Variants in CACNB2 observed in about 807,000 individuals in gnomAD.
The protein encoded by CACNB2 is voltage-dependent L-type calcium channel subunit beta-2.
A neutral mutation model predicts 73.3 loss-of-function variants in CACNB2; 42 were observed. The observed-to-expected ratio is 0.57, with a 90% CI of 0.45 to 0.74. CACNB2 has a LOEUF of 0.74. Among genes scored for constraint, CACNB2 ranks in the 30% least tolerant of loss-of-function variants. CACNB2 has a pLI of 0.00. For missense variants in CACNB2, 940 were observed against 853.0 expected (o/e 1.10, Z -1.27); for synonymous variants, 348 against 310.3 (o/e 1.12, Z -1.28).
intron 3 of CACNB2, among the ~76,000 whole-genome samples, chr10:18,478,979 G>A (rs2048581418): frequency 1.3e-5 from 2 of 151,972 alleles, no homozygotes; most frequent in South Asian, 4.2e-4. Context: ...ATCGCTCTAA[G>A]CCCAGTAGTT....
chr10:18,372,068 A>C (rs1230871833), intron 2 of CACNB2, among the ~76,000 whole-genome samples: 5 of 151,842 alleles, frequency 3.3e-5, no homozygotes, highest in African/African-American at 1.2e-4. Flanking sequence ...TTTTCTTGTA[A>C]ATTTGTTTGA....
intron 2 of CACNB2, among the ~76,000 whole-genome samples, chr10:18,378,211 G>T (rs775450471): frequency 2.0e-5 from 3 of 152,210 alleles, no homozygotes; most frequent in Admixed American, 6.5e-5. Context: ...GAACCTGTCA[G>T]TTTTCACATT....
chr10:18,221,427 C>T (rs1242532195), intron 2 of CACNB2, among the ~76,000 whole-genome samples: 1 of 152,186 alleles, frequency 6.6e-6, no homozygotes, highest in Non-Finnish European at 1.5e-5. Flanking sequence ...GCTGGTCATG[C>T]CAGCACTTTG....
chr10:18,476,258 T>C (rs2048433478), intron 3 of CACNB2, among the ~76,000 whole-genome samples: 3 of 152,176 alleles, frequency 2.0e-5, no homozygotes, highest in Non-Finnish European at 2.9e-5. Flanking sequence ...GTAATTAGTG[T>C]ATTATTGTTA....
rs147767178 is a variant in CACNB2 at position 18,225,705 on chromosome 10, T to A, written c.213+74730T>A. On this transcript the variant is annotated intron_variant, in intron 2 of 13. Transcript: ENST00000324631. ...CCCAGGCTAGAGTGCAGTGGTGCCA[T>A]CATAGCTCACGGCAACCTCCACCTC... 6.7e-3 allele frequency among the ~76,000 whole-genome samples: 1,019 copies of A among 151,936 alleles called. 15 individuals are homozygous for A. Among genetic ancestry groups the A allele is most frequent in the African/African-American group, 0.023 (970 of 41,438 alleles).
chr10:18,151,428 C>T (rs1022161418), intron 2 of CACNB2, among the ~76,000 whole-genome samples: 1 of 151,986 alleles, frequency 6.6e-6, no homozygotes, highest in African/African-American at 2.4e-5. Context: ...TTGAGGCTAT[C>T]GAGGTTAAAC....
At chr10:18,483,731 G>C (rs1381701563) in intron 3 of CACNB2, among the ~76,000 whole-genome samples, 1 of 152,210 alleles carries the variant, frequency 6.6e-6, no homozygotes, top group African/African-American at 2.4e-5. Flanking sequence ...GTGCTTGTCA[G>C]CATGTACTTT....
chr10:18,525,778 A>C (rs907555331), intron 9 of CACNB2, among the ~76,000 whole-genome samples: 7 of 151,804 alleles, frequency 4.6e-5, no homozygotes, highest in African/African-American at 1.7e-4. Flanking sequence ...TACTTTTCTT[A>C]CTTTTCTTCT....
intron 2 of CACNB2, among the ~76,000 whole-genome samples, chr10:18,160,153 A>G (rs2032352591): frequency 6.7e-6 from 1 of 148,514 alleles, no homozygotes; most frequent in South Asian, 2.2e-4. Flanking sequence ...TAATTTTAAC[A>G]TGTCTCGTTG....
chr10:18,243,960 C>A (rs1008882639), intron 2 of CACNB2, among the ~76,000 whole-genome samples: 1 of 152,152 alleles, frequency 6.6e-6, no homozygotes, highest in East Asian at 1.9e-4. Flanking sequence ...GAGTTGGAAA[C>A]CTAGCTATGT....
At chr10:18,369,122 C>T (rs547102412) in intron 2 of CACNB2, among the ~76,000 whole-genome samples, 1 of 152,190 alleles carries the variant, frequency 6.6e-6, no homozygotes, top group South Asian at 2.1e-4. Flanking sequence ...TGTGTTTATT[C>T]CTTAAAATGA....
rs1299127347 is a variant in CACNB2 at position 18,527,579 on chromosome 10, C to T, written c.945-9C>T. The T allele has an allele frequency of 4.4e-6, 7 of 1,602,468 alleles. No homozygotes were observed. Among genetic ancestry groups the T allele is most frequent in the Middle Eastern group, 1.7e-4 (1 of 6,036 alleles). Reference sequence around the variant, plus strand: ...CCTTAAGGTCTTCTGTGACTTTTTCCTCCAACAGGATATCCATCACAAGGG... The same window carrying T: ...CCTTAAGGTCTTCTGTGACTTTTTCTTCCAACAGGATATCCATCACAAGGG... On this transcript the variant is annotated splice_polypyrimidine_tract_variant and intron_variant, in intron 9 of 13. Coordinates refer to ENST00000324631, the MANE Select transcript of CACNB2 (RefSeq NM_201596.3).
chr10:18,404,315 A>G (rs2044167850), intron 3 of CACNB2, among the ~76,000 whole-genome samples: 1 of 152,132 alleles, frequency 6.6e-6, no homozygotes, highest in African/African-American at 2.4e-5. Context: ...ATTAATCCCA[A>G]TATCCTTGAA....
intron 3 of CACNB2, among the ~76,000 whole-genome samples, chr10:18,495,930 C>A (rs2049784687): frequency 6.6e-6 from 1 of 151,654 alleles, no homozygotes; most frequent in African/African-American, 2.4e-5. Context: ...TCCCATAATT[C>A]CACACAAGAA....
chr10:18,208,432 G>A (rs993442585), intron 2 of CACNB2, among the ~76,000 whole-genome samples: 7 of 152,076 alleles, frequency 4.6e-5, no homozygotes, highest in African/African-American at 1.7e-4. Context: ...GGGCAACATA[G>A]TGAGACCCCA....
At chr10:18,442,954 A>G (rs867036104) in intron 3 of CACNB2, among the ~76,000 whole-genome samples, 2 of 17,562 alleles carry the variant, frequency 1.1e-4, no homozygotes, top group Non-Finnish European at 9.0e-5. Context: ...GTATATATAT[A>G]TATGTATATA....
In CACNB2 at chr10:18,224,864, G is replaced by A. The variant is rs116011808; in HGVS notation, c.213+73889G>A. Among the ~76,000 whole-genome samples, 1,065 of 152,260 alleles carry A rather than the reference G, an allele frequency of 7.0e-3. 15 individuals are homozygous for A. The highest frequency in any genetic ancestry group is 0.024 in the African/African-American group (1,011 of 41,564). On this transcript the variant is annotated intron_variant, in intron 2 of 13. Coordinates refer to ENST00000324631, the MANE Select transcript of CACNB2 (RefSeq NM_201596.3). ...AAGGGCCTCAGTCCTCCCTTAAGGT[G>A]GCCTAAGCTCCGCCTCCTCCCTGCT...
chr10:18,220,240 G>GAGAGGGGGGGAGAC (rs2035727721), intron 2 of CACNB2, among the ~76,000 whole-genome samples: 1 of 72,356 alleles, frequency 1.4e-5, no homozygotes, highest in African/African-American at 8.6e-5. Flanking sequence ...TATAGAGAGA[G>GAGAGGGGGGGAGAC]AGAGAGAGAG....
At chr10:18,410,611 A>T (rs888737198) in intron 3 of CACNB2, among the ~76,000 whole-genome samples, 1 of 152,212 alleles carries the variant, frequency 6.6e-6, no homozygotes, top group African/African-American at 2.4e-5. Context: ...TATGTTCTTA[A>T]ACCTACAAGA....
Sources: allele counts gnomAD v4.1 joint callset (sites outside exome capture counted in the v4.1 genomes callset), GRCh38; gene constraint gnomAD v4.1.1; transcripts MANE v1.5; gene names NCBI Gene and HGNC (gene_info 2026-07-23, HGNC 2026-07-21).